SLCO1C1: variants seen among roughly 807,000 people sequenced by gnomAD.
SLCO1C1 encodes OAT-RP-5.
SLCO1C1 carries 70 observed loss-of-function variants against 76.4 expected under a neutral mutation model. That is an observed-to-expected ratio of 0.92 (90% CI 0.76 to 1.12). SLCO1C1 has a LOEUF of 1.12. Ranked by LOEUF, SLCO1C1 falls within the 50% of genes most tolerant of loss-of-function variation. SLCO1C1 has a pLI of 0.00. For missense variants in SLCO1C1, 912 were observed against 823.8 expected, an observed-to-expected ratio of 1.11 and a Z score of -1.31; for synonymous variants, 306 against 286.1, an observed-to-expected ratio of 1.07 and a Z score of -0.70.
In SLCO1C1 at chr12:20,721,838, G is replaced by A; in HGVS notation, c.810G>A (p.Trp270Ter). Residue 270 changes from tryptophan to a stop codon, truncating the protein, a stop_gained, in exon 8 of 15, where the codon TGG (tryptophan) becomes TGA (stop). Coordinates refer to ENST00000266509, the MANE Select transcript of SLCO1C1 (RefSeq NM_017435.5). LOFTEE classifies it high-confidence loss of function. ...HITITPKDPQ[W>*]VGAWWLGYLI... ...CCATTACCCCAAAAGATCCCCAGTG[G>A]GTAGGAGCCTGGTGGCTTGGCTATC... 1 of 1,614,140 alleles carries A rather than the reference G, an allele frequency of 6.2e-7. No individual in the cohort carries two copies. The highest frequency in any genetic ancestry group is 8.5e-7 in the Non-Finnish European group (1 of 1,180,022).
Position 20,752,436 on chromosome 12 carries a change from A to G in SLCO1C1, c.2047A>G (p.Met683Val). The change falls in exon 15 of 15, where the codon ATG (methionine) becomes GTG (valine). Residue 683 changes from methionine to valine, a missense_variant. Met to Val is a conservative substitution (Grantham distance 21). Transcript: ENST00000266509. ...RSFITKRERT[M>V]VSTRFQKENY... ...TTTTATAACCAAGAGAGAAAGAACA[A>G]TGGTGTCTACAAGATTCCAAAAGGA... is the stretch of plus-strand genomic sequence containing the variant. 5 of 1,613,572 alleles carry G rather than the reference A, an allele frequency of 3.1e-6. No individual in the cohort carries two copies. Among genetic ancestry groups the G allele is most frequent in the Non-Finnish European group, 4.2e-6 (5 of 1,179,632 alleles).
intron 11 of SLCO1C1, among the ~76,000 whole-genome samples, chr12:20,739,787 A>C (rs996012365): frequency 6.6e-6 from 1 of 152,170 alleles, no homozygotes; most frequent in Non-Finnish European, 1.5e-5. Flanking sequence ...TTAAAGGTTC[A>C]CTTTACTTAC....
chr12:20,733,476 A>G (rs1335428440), intron 10 of SLCO1C1, among the ~76,000 whole-genome samples: 1 of 152,202 alleles, frequency 6.6e-6, no homozygotes, highest in East Asian at 1.9e-4. Context: ...TTAAAAACAG[A>G]AGTAATAACT....
At chr12:20,749,266 C>A (rs1177636786) in intron 13 of SLCO1C1, among the ~76,000 whole-genome samples, 1 of 151,910 alleles carries the variant, frequency 6.6e-6, no homozygotes, top group Non-Finnish European at 1.5e-5. Context: ...AAAACATATA[C>A]AAAAAAGGTT....
chr12:20,714,075 G>A (rs1947257293), intron 5 of SLCO1C1, among the ~76,000 whole-genome samples: 3 of 152,160 alleles, frequency 2.0e-5, no homozygotes. Context: ...TCTAGAAGAG[G>A]CAGAGTCAGA....
intron 9 of SLCO1C1, among the ~76,000 whole-genome samples, chr12:20,731,421 T>G (rs1274404316): frequency 6.6e-6 from 1 of 152,192 alleles, no homozygotes; most frequent in African/African-American, 2.4e-5. Flanking sequence ...AGAAGAAAAT[T>G]TGCATGTCAT....
At position 20,717,217 on chromosome 12, in the gene SLCO1C1, C is replaced by T. The variant is rs773932918; in HGVS notation, c.762C>T (p.Gly254=). ...GTGCCAAACTATATGTTGACATTGG[C>T]TTTGTAAACCTAGGTAAGGAAGTTT... The part of the protein sequence containing the change: ...SLCAKLYVDI[G]FVNLDHITIT... Residue 254 remains glycine, a synonymous_variant, in exon 7 of 15, where the codon GGC becomes GGT. Coordinates refer to ENST00000266509, the MANE Select transcript of SLCO1C1 (RefSeq NM_017435.5). The T allele has an allele frequency of 1.3e-6, 2 of 1,580,410 alleles. No individual in the cohort carries two copies. Among genetic ancestry groups the T allele is most frequent in the South Asian group, 2.4e-5 (2 of 84,118 alleles).
At chr12:20,739,932 A>G (rs1159243042) in intron 11 of SLCO1C1, among the ~76,000 whole-genome samples, 1 of 152,186 alleles carries the variant, frequency 6.6e-6, no homozygotes, top group Non-Finnish European at 1.5e-5. Flanking sequence ...GTATGGTTAG[A>G]TTAGGCAGGA....
intron 6 of SLCO1C1, among the ~76,000 whole-genome samples, chr12:20,716,709 A>G (rs909631675): frequency 1.3e-5 from 2 of 152,114 alleles, no homozygotes; most frequent in African/African-American, 4.8e-5. Flanking sequence ...ATGAATGGAC[A>G]CACTTTTTTT....
intron 5 of SLCO1C1, 119 bp from the exon 6 acceptor site, chr12:20,715,020 C>A: frequency 8.1e-7 from 1 of 1,230,386 alleles, no homozygotes; most frequent in Non-Finnish European, 1.1e-6. Context: ...CAAATTAAGA[C>A]TATTGCACAA....
intron 13 of SLCO1C1, among the ~76,000 whole-genome samples, chr12:20,744,912 TAC>T (rs1210394223): frequency 6.6e-6 from 1 of 152,142 alleles, no homozygotes; most frequent in African/African-American, 2.4e-5. Context: ...TAAACTGTAG[TAC>T]ACACACGTAA....
In SLCO1C1 at chr12:20,695,589, G is replaced by A. The variant is rs1417317359; in HGVS notation, c.-244G>A. ...AGAAAAAAGAGGCCAGGAAGAAAGA[G>A]GAAAGAGAAGAGATCGCTCAGGGGT... is the stretch of plus-strand genomic sequence containing the variant. On this transcript the variant is annotated 5_prime_UTR_variant, in exon 1 of 15. Coordinates refer to ENST00000266509, the MANE Select transcript of SLCO1C1 (RefSeq NM_017435.5). 2.6e-5 allele frequency: 4 copies of A among 152,140 alleles called. No homozygotes were observed. The East Asian group carries it at 5.8e-4, about 22-fold the overall frequency. The allele number at this position is 152,140 out of a possible 1,614,324, so 9.4% of individuals were successfully genotyped here.
rs750835684 is a variant in SLCO1C1 at position 20,711,479 on chromosome 12, T to C, written c.498T>C (p.Val166=). The change falls in exon 5 of 15, where the codon GTT becomes GTC. Residue 166 remains valine (V), a synonymous_variant. Transcript: ENST00000266509. The part of the protein sequence containing the change: ...LESSSQLPVS[V]MEKSKSKISN... Reference sequence around the variant, plus strand: ...CAAGCAGTCAATTACCAGTTTCAGTTATGGAAAAATCAAAATCCAAAATAA... The same window carrying C: ...CAAGCAGTCAATTACCAGTTTCAGTCATGGAAAAATCAAAATCCAAAATAA... 6.2e-7 allele frequency: 1 copy of C among 1,613,862 alleles called. No homozygotes were observed. The highest frequency in any genetic ancestry group is 8.5e-7 in the Non-Finnish European group (1 of 1,179,900).
At chr12:20,728,555 A>C (rs960376869) in intron 9 of SLCO1C1, among the ~76,000 whole-genome samples, 1 of 151,654 alleles carries the variant, frequency 6.6e-6, no homozygotes, top group African/African-American at 2.4e-5. Flanking sequence ...ACAAGTAGGA[A>C]AAAATTAAGA....
chr12:20,740,787 TTATATATATATA>T (rs71039980), intron 12 of SLCO1C1, among the ~76,000 whole-genome samples: 8 of 75,058 alleles, frequency 1.1e-4, no homozygotes, highest in East Asian at 4.9e-4. Flanking sequence ...TTTATTTTAT[TTATATATATATA>T]TATATATATA....
chr12:20,742,381 T>C (rs868094706), intron 12 of SLCO1C1, among the ~76,000 whole-genome samples: 8 of 151,816 alleles, frequency 5.3e-5, no homozygotes, highest in Non-Finnish European at 8.8e-5. Context: ...TGATATAATA[T>C]GTAAGAAGTA....
rs751117143 is a variant in SLCO1C1 at position 20,699,690 on chromosome 12, C to T, written c.114C>T (p.Cys38=). 2 of 1,610,398 alleles carry T rather than the reference C, an allele frequency of 1.2e-6. No homozygotes were observed. Among genetic ancestry groups the T allele is most frequent in the Non-Finnish European group, 8.5e-7 (1 of 1,178,430 alleles). Reference sequence around the variant, plus strand: ...CCTCCTCAGAAGAAAAGCAACCATGCTGTGGTGAACTAAAGGTAGAGCAAC... The same window carrying T: ...CCTCCTCAGAAGAAAAGCAACCATGTTGTGGTGAACTAAAGGTAGAGCAAC... The part of the protein sequence containing the change: ...EYPSSEEKQP[C]CGELKVFLCA... The change falls in exon 2 of 15, where the codon TGC becomes TGT. Residue 38 remains cysteine (C), a synonymous_variant. Coordinates refer to ENST00000266509, the MANE Select transcript of SLCO1C1 (RefSeq NM_017435.5).
chr12:20,701,136 C>T (rs1946504567), intron 2 of SLCO1C1, among the ~76,000 whole-genome samples, 182 bp from the exon 3 acceptor site: 1 of 152,074 alleles, frequency 6.6e-6, no homozygotes, highest in African/African-American at 2.4e-5. Context: ...CTGTTGAAAA[C>T]TTACAGTGCT....
At chr12:20,736,380 T>G (rs922450071) in intron 10 of SLCO1C1, among the ~76,000 whole-genome samples, 1 of 151,996 alleles carries the variant, frequency 6.6e-6, no homozygotes, top group Admixed American at 6.6e-5. Flanking sequence ...TGTAACCATC[T>G]CCTATTCTCC....
Sources: allele counts gnomAD v4.1 joint callset (sites outside exome capture counted in the v4.1 genomes callset), GRCh38; gene constraint gnomAD v4.1.1; transcripts MANE v1.5; gene names NCBI Gene and HGNC (gene_info 2026-07-23, HGNC 2026-07-21).